Variants in TEX29 observed in about 807,000 individuals in gnomAD.
TEX29 encodes testis expressed 29, also known as testis-expressed protein 29.
In TEX29, 26 loss-of-function variants were observed where a neutral mutation model predicts 18.2. That is an observed-to-expected ratio of 1.43 (90% CI 1.04 to 1.98). The LOEUF (loss-of-function observed/expected upper bound fraction) is 1.98. TEX29 is among the 30% of genes most tolerant of loss of function. TEX29 has a pLI of 0.00. For missense variants in TEX29, 177 were observed against 194.2 expected (o/e 0.91, Z 0.53); for synonymous variants, 83 against 78.5 (o/e 1.06, Z -0.31).
chr13:111,337,837 G>GCC (rs1403950788), intron 3 of TEX29, among the ~76,000 whole-genome samples: 1 of 152,132 alleles, frequency 6.6e-6, no homozygotes, highest in African/African-American at 2.4e-5. Flanking sequence ...GCAACCCCAA[G>GCC]CCTCGCTCCC....
intron 3 of TEX29, among the ~76,000 whole-genome samples, chr13:111,329,014 C>G (rs779263973): frequency 1.2e-4 from 18 of 152,350 alleles, no homozygotes; most frequent in Non-Finnish European, 2.1e-4. Context: ...GGGCGTTGGG[C>G]TCCCACCTCC....
chr13:111,328,387 CTGTT>C, intron 3 of TEX29, 94 bp downstream of exon 3: 2 of 842,250 alleles, frequency 2.4e-6, no homozygotes, highest in South Asian at 1.4e-5. Context: ...CTCGGGGTCT[CTGTT>C]TGCTGGAAAC....
intron 3 of TEX29, among the ~76,000 whole-genome samples, chr13:111,333,122 A>G (rs919805877): frequency 4.6e-5 from 7 of 152,166 alleles, no homozygotes; most frequent in African/African-American, 1.7e-4. Flanking sequence ...TCCTTTGTAT[A>G]TAATGTGTCA....
chr13:111,338,530 C>G lies in TEX29; in HGVS notation c.170-1333C>G, dbSNP rs552874613. ...TGGTACTTTCTTACAGCATCCCTGGCAAACTGACACACCATCCAGGGAAAT... is the reference window on the plus strand; with the variant it reads ...TGGTACTTTCTTACAGCATCCCTGGGAAACTGACACACCATCCAGGGAAAT... On this transcript the variant is annotated intron_variant, in intron 3 of 5. Coordinates refer to ENST00000283547, the MANE Select transcript of TEX29 (RefSeq NM_152324.3). 6.6e-5 allele frequency among the ~76,000 whole-genome samples: 10 copies of G among 152,272 alleles called. No individual in the cohort carries two copies. The South Asian group carries it at 2.1e-3, about 32-fold the overall frequency.
chr13:111,323,614 C>T (rs1165846020), intron 2 of TEX29, among the ~76,000 whole-genome samples: 3 of 152,286 alleles, frequency 2.0e-5, no homozygotes, highest in Middle Eastern at 3.4e-3. Flanking sequence ...CATATTTGGA[C>T]TCTCTGTGTC....
intron 3 of TEX29, among the ~76,000 whole-genome samples, chr13:111,329,861 C>T (rs926774602): frequency 6.6e-6 from 1 of 152,114 alleles, no homozygotes; most frequent in Non-Finnish European, 1.5e-5. Flanking sequence ...GACTCACCGC[C>T]TTCAGGTGAT....
At chr13:111,329,646 CTT>C (rs1386762960) in intron 3 of TEX29, among the ~76,000 whole-genome samples, 2 of 152,066 alleles carry the variant, frequency 1.3e-5, no homozygotes, top group Non-Finnish European at 2.9e-5. Context: ...GGGAAAGTGA[CTT>C]TATTTCCAAA....
chr13:111,340,016 C>T, intron 4 of TEX29, 84 bp downstream of exon 4: 4 of 1,368,286 alleles, frequency 2.9e-6, no homozygotes, highest in Non-Finnish European at 2.1e-6. Context: ...GCCTGGGCTC[C>T]TTCGGGCTTG....
At chr13:111,320,807 CA>C in intron 1 of TEX29, 45 bp downstream of exon 1, 1 of 1,581,916 alleles carries the variant, frequency 6.3e-7, no homozygotes, top group Middle Eastern at 1.7e-4. Flanking sequence ...GCCCGCTCCC[CA>C]AACGACGTCC....
upstream of TEX29, among the ~76,000 whole-genome samples, chr13:111,318,363 C>T (rs1032462829): frequency 1.3e-5 from 2 of 152,214 alleles, no homozygotes; most frequent in Non-Finnish European, 2.9e-5. Context: ...AAAATTGTGT[C>T]TGTCAGTGTA....
rs565182299 is a variant in TEX29, at chr13:111,320,998, G to GC, written c.58+50_58+51insC. 561 of 1,040,444 alleles carry GC rather than the reference G, an allele frequency of 5.4e-4. 4 individuals carry two copies. In the African/African-American group the frequency reaches 8.0e-3, roughly 15 times the overall value. 64.5% of individuals were successfully genotyped at this position (1,040,444 alleles called of 1,614,324 possible). ...GCGGGTGGGGTGGGGGAGCAGTTGG[G>GC]GGGGGGCACAGGGAGGAGCTGTTTG... On this transcript the variant is annotated intron_variant, in intron 2 of 5. Transcript: ENST00000283547.
At position 111,344,202 on chromosome 13, in the gene TEX29, T is replaced by A; in HGVS notation, c.*79T>A. The A allele has an allele frequency of 8.5e-7, 1 of 1,182,412 alleles. No individual in the cohort carries two copies. The highest frequency in any genetic ancestry group is 1.2e-6 in the Non-Finnish European group (1 of 809,966). 73.2% of individuals were successfully genotyped at this position (1,182,412 alleles called of 1,614,324 possible). On this transcript the variant is annotated 3_prime_UTR_variant, in exon 6 of 6. Coordinates refer to ENST00000283547, the MANE Select transcript of TEX29 (RefSeq NM_152324.3). ...AGCAGGTGCACTGTTAACAGTGTGA[T>A]GGAATGACCACCCAAAGAGAAAAAA...
At chr13:111,326,909 C>T (rs534492294) in intron 2 of TEX29, among the ~76,000 whole-genome samples, 5 of 152,162 alleles carry the variant, frequency 3.3e-5, no homozygotes, top group Non-Finnish European at 7.4e-5. Flanking sequence ...GGAGCAAAGC[C>T]CTCCTAGTCA....
chr13:111,333,078 G>A (rs1260409283), intron 3 of TEX29, among the ~76,000 whole-genome samples: 5 of 152,134 alleles, frequency 3.3e-5, no homozygotes, highest in African/African-American at 1.2e-4. Context: ...GGCCTGCATG[G>A]TTTCTGATGA....
At chr13:111,329,713 G>A (rs1045192434) in intron 3 of TEX29, among the ~76,000 whole-genome samples, 1 of 152,092 alleles carries the variant, frequency 6.6e-6, no homozygotes, top group African/African-American at 2.4e-5. Flanking sequence ...TGGGAAGAGG[G>A]GCTTAAAAAG....
intron 3 of TEX29, among the ~76,000 whole-genome samples, chr13:111,329,699 A>G (rs545005172): frequency 6.6e-6 from 1 of 152,176 alleles, no homozygotes; most frequent in South Asian, 2.1e-4. Context: ...TTCCAACTTT[A>G]GGCTGGGAAG....
At chr13:111,336,956 C>T (rs2093690438) in intron 3 of TEX29, among the ~76,000 whole-genome samples, 1 of 152,208 alleles carries the variant, frequency 6.6e-6, no homozygotes, top group Non-Finnish European at 1.5e-5. Flanking sequence ...ATGTGTGTCT[C>T]TTTAACAGGA....
chr13:111,321,625 C>CAA (rs60423908), intron 2 of TEX29, among the ~76,000 whole-genome samples: 37,404 of 150,534 alleles, frequency 0.25, 5,136 homozygotes, highest in African/African-American at 0.38. Context: ...ACAACAAAAA[C>CAA]AAAAAAAAAC....
upstream of TEX29, among the ~76,000 whole-genome samples, chr13:111,318,973 C>G (rs1195523281): frequency 6.6e-6 from 1 of 152,156 alleles, no homozygotes; most frequent in Non-Finnish European, 1.5e-5. Context: ...AGTCCCCTTC[C>G]TGGCTCATAT....
Sources: allele counts gnomAD v4.1 joint callset (sites outside exome capture counted in the v4.1 genomes callset), GRCh38; gene constraint gnomAD v4.1.1; transcripts MANE v1.5; gene names NCBI Gene and HGNC (gene_info 2026-07-23, HGNC 2026-07-21).